Variants in EML4 observed in about 807,000 individuals in gnomAD.
EML4 encodes the protein echinoderm microtubule-associated protein-like 4.
In EML4, 72 loss-of-function variants were observed where a neutral mutation model predicts 129.0. The observed-to-expected ratio is 0.56, with a 90% CI of 0.46 to 0.68. EML4 has a LOEUF of 0.68. Ranked by LOEUF, EML4 falls within the 30% of genes least tolerant of loss-of-function variation. EML4 has a pLI of 0.00. For synonymous variants in EML4, 532 were observed against 405.0 expected (o/e 1.31, Z -3.77); for missense variants, 1,363 against 1,190.6 (o/e 1.14, Z -2.13).
chr2:42,298,196 A>C (rs531348833), intron 13 of EML4, among the ~76,000 whole-genome samples: 8 of 152,340 alleles, frequency 5.3e-5, no homozygotes, highest in African/African-American at 1.4e-4. Context: ...AGTTGCTAAG[A>C]ATACAACATA....
intron 2 of EML4, among the ~76,000 whole-genome samples, chr2:42,255,731 A>G (rs1676099352): frequency 6.6e-6 from 1 of 152,150 alleles, no homozygotes; most frequent in Admixed American, 6.5e-5. Context: ...CTAATGTAGG[A>G]CTTACGAATC....
intron 3 of EML4, among the ~76,000 whole-genome samples, chr2:42,258,646 C>T (rs907911102): frequency 1.3e-5 from 2 of 152,066 alleles, no homozygotes; most frequent in Admixed American, 6.6e-5. Context: ...GTCATCCGCC[C>T]GCCTTAACCT....
intron 1 of EML4, among the ~76,000 whole-genome samples, chr2:42,223,656 A>T (rs1438664047): frequency 6.6e-6 from 1 of 152,160 alleles, no homozygotes; most frequent in Non-Finnish European, 1.5e-5. Context: ...TGCTTAGCCC[A>T]GATCTCTAAT....
In EML4 at chr2:42,182,981, C is replaced by G. The variant is rs537174829; in HGVS notation, c.25+13345C>G. On this transcript the variant is annotated intron_variant, in intron 1 of 22. Coordinates refer to ENST00000318522, the MANE Select transcript of EML4 (RefSeq NM_019063.5). The stretch of plus-strand genomic sequence containing the variant: ...GATGAGGCCCCCCCACAGCCCACTG[C>G]CTGTCTCTACCAAAAGTACAAAAAA... Among the ~76,000 whole-genome samples the G allele has an allele frequency of 1.1e-3, 168 of 152,196 alleles. 1 individual carries two copies. The highest frequency in any genetic ancestry group is 3.9e-3 in the African/African-American group (160 of 41,494).
At chr2:42,298,027 G>A (rs1668056925) in intron 13 of EML4, among the ~76,000 whole-genome samples, 4 of 152,180 alleles carry the variant, frequency 2.6e-5, no homozygotes, top group Admixed American at 2.6e-4. Flanking sequence ...GAAATAGATT[G>A]AAATTGTTCT....
rs1419872464 is a variant in EML4 at position 42,269,076 on chromosome 2, T to C, written c.667+4345T>C. On this transcript the variant is annotated intron_variant, in intron 6 of 22. Coordinates refer to ENST00000318522, the MANE Select transcript of EML4 (RefSeq NM_019063.5). ...CATTTCAGTACAGTGATATCCTAAC[T>C]GTACAGGTATATCAAAATGGAAGGA... Among the ~76,000 whole-genome samples the C allele has an allele frequency of 3.3e-5, 5 of 152,314 alleles. No individual in the cohort carries two copies. The East Asian group carries it at 7.7e-4, about 24-fold the overall frequency.
chr2:42,325,637 T>TGC (rs1238107311), intron 20 of EML4, 83 bp downstream of exon 20: 26 of 204,854 alleles, frequency 1.3e-4, no homozygotes, highest in Non-Finnish European at 1.7e-4. Context: ...TATATATATA[T>TGC]ATGCTAAGAT....
At position 42,332,033 on chromosome 2, in the gene EML4, C is replaced by CAGTA; in HGVS notation, c.*1831_*1834dup. 4.5e-6 allele frequency: 1 copy of CAGTA among 222,518 alleles called. No individual in the cohort carries two copies. Among genetic ancestry groups the CAGTA allele is most frequent in the Non-Finnish European group, 9.0e-6 (1 of 111,106 alleles). 13.8% of individuals were successfully genotyped at this position (222,518 alleles called of 1,614,324 possible). On this transcript the variant is annotated 3_prime_UTR_variant, in exon 23 of 23. Transcript: ENST00000318522. ...TCTGTACATACTTATCGGAGCGCGC[C>CAGTA]AGTAAGTATCAGGCATATATATCTG...
intron 8 of EML4, among the ~76,000 whole-genome samples, chr2:42,283,193 T>A (rs1351676994): frequency 6.6e-6 from 1 of 152,226 alleles, no homozygotes; most frequent in Non-Finnish European, 1.5e-5. Flanking sequence ...CCATAAATCA[T>A]GATTGGAACC....
chr2:42,253,742 A>C (rs913061538), intron 2 of EML4, among the ~76,000 whole-genome samples: 31 of 152,224 alleles, frequency 2.0e-4, no homozygotes, highest in African/African-American at 7.2e-4. Flanking sequence ...CAAAAAACAA[A>C]AATACCTTGA....
intron 14 of EML4, among the ~76,000 whole-genome samples, chr2:42,302,536 C>CTTT (rs765657314): frequency 1.4e-5 from 2 of 141,686 alleles, no homozygotes; most frequent in African/African-American, 2.6e-5. Flanking sequence ...GAACTTACTT[C>CTTT]TTTTTTTTTT....
intron 7 of EML4, among the ~76,000 whole-genome samples, chr2:42,281,294 G>A (rs1312024873): frequency 6.6e-6 from 1 of 151,760 alleles, no homozygotes; most frequent in Non-Finnish European, 1.5e-5. Flanking sequence ...TCGGGAGGCT[G>A]AGGCAGGAGA....
At chr2:42,325,175 T>A (rs756884809) in intron 19 of EML4, 1 of 532,962 alleles carries the variant, frequency 1.9e-6, no homozygotes, top group Admixed American at 1.9e-5. Context: ...GGGTGTGGTA[T>A]GTGTTGCAAT....
rs1055682785 is a variant in EML4, at chr2:42,286,102, A to T, written c.1012-167A>T. On this transcript the variant is annotated intron_variant, in intron 9 of 22. Coordinates refer to ENST00000318522, the MANE Select transcript of EML4 (RefSeq NM_019063.5). Reference sequence around the variant, plus strand: ...GCTGCTATTTTCTTATTTTCACAGTATAAGAAAATACCTACTTAAGATTCA... The same window carrying T: ...GCTGCTATTTTCTTATTTTCACAGTTTAAGAAAATACCTACTTAAGATTCA... 9.2e-6 allele frequency: 6 copies of T among 654,144 alleles called. No homozygotes were observed. The Admixed American group carries it at 9.8e-5, about 11-fold the overall frequency. 40.5% of individuals were successfully genotyped at this position (654,144 alleles called of 1,614,324 possible).
At chr2:42,283,040 G>A in intron 8 of EML4, 68 bp downstream of exon 8, 1 of 1,394,172 alleles carries the variant, frequency 7.2e-7, no homozygotes, top group South Asian at 1.4e-5. Flanking sequence ...TTTAAATTTG[G>A]GTTTTATTGA....
At chr2:42,201,148 A>T (rs1216096206) in intron 1 of EML4, among the ~76,000 whole-genome samples, 1 of 152,234 alleles carries the variant, frequency 6.6e-6, no homozygotes, top group Non-Finnish European at 1.5e-5. Flanking sequence ...TTTGTTGGCT[A>T]CATGCTAGCT....
intron 11 of EML4, among the ~76,000 whole-genome samples, chr2:42,293,269 G>A (rs915678896): frequency 6.6e-6 from 1 of 151,538 alleles, no homozygotes; most frequent in Non-Finnish European, 1.5e-5. Flanking sequence ...CCGCCACGCC[G>A]GCTAATTTAC....
At chr2:42,193,198 A>G (rs922297335) in intron 1 of EML4, among the ~76,000 whole-genome samples, 1 of 152,176 alleles carries the variant, frequency 6.6e-6, no homozygotes, top group Non-Finnish European at 1.5e-5. Context: ...TATTCTGTAC[A>G]AGTTTATAGC....
At chr2:42,221,587 G>GT (rs1436299383) in intron 1 of EML4, among the ~76,000 whole-genome samples, 1 of 150,782 alleles carries the variant, frequency 6.6e-6, no homozygotes. Context: ...TTTTTGTGGT[G>GT]TTTTTTTGGG....
Sources: allele counts gnomAD v4.1 joint callset (sites outside exome capture counted in the v4.1 genomes callset), GRCh38; gene constraint gnomAD v4.1.1; transcripts MANE v1.5; gene names NCBI Gene and HGNC (gene_info 2026-07-23, HGNC 2026-07-21).